The following LPP variants were observed in gnomAD, a reference collection of about 807,000 sequenced individuals.
The protein encoded by LPP is LIM domain containing preferred translocation partner in lipoma, also known as lipoma-preferred partner.
In LPP, 38 loss-of-function variants were observed where a neutral mutation model predicts 60.4. That is an observed-to-expected ratio of 0.63 (90% CI 0.49 to 0.83). LPP has a LOEUF of 0.83. Ranked by LOEUF, LPP falls within the 40% of genes least tolerant of loss-of-function variation. The pLI, the probability that LPP is intolerant of heterozygous loss-of-function variation, is 0.00. For synonymous variants in LPP, 328 were observed against 290.8 expected, an observed-to-expected ratio of 1.13 and a Z score of -1.30; for missense variants, 902 against 783.6, an observed-to-expected ratio of 1.15 and a Z score of -1.80.
intron 6 of LPP, among the ~76,000 whole-genome samples, chr3:188,528,294 TG>T (rs1821207752): frequency 6.6e-6 from 1 of 152,128 alleles, no homozygotes; most frequent in African/African-American, 2.4e-5. Flanking sequence ...TCCAAAGTGC[TG>T]GGGTTACAGG....
intron 9 of LPP, among the ~76,000 whole-genome samples, chr3:188,796,420 TTTA>T (rs1254090558): frequency 6.2e-4 from 95 of 152,246 alleles, no homozygotes; most frequent in African/African-American, 2.1e-3. Flanking sequence ...GCCTAGCCAT[TTTA>T]TTATTTTATA....
rs542212218 is a variant in LPP at position 188,716,315 on chromosome 3, G to A, written c.1240+7922G>A. On this transcript the variant is annotated intron_variant, in intron 8 of 11. Coordinates refer to ENST00000617246, the MANE Select transcript of LPP (RefSeq NM_001375462.1). The stretch of plus-strand genomic sequence containing the variant: ...TTAACATGAACAAAGTGCTATGATC[G>A]GTCACTTTATTGGTTATGCCAGCTC... Among the ~76,000 whole-genome samples, 3 of 152,258 alleles carry A rather than the reference G, an allele frequency of 2.0e-5. No homozygotes were observed. The South Asian group carries it at 6.2e-4, about 32-fold the overall frequency.
chr3:188,600,200 G>T (rs1840844036), intron 6 of LPP, among the ~76,000 whole-genome samples: 1 of 147,700 alleles, frequency 6.8e-6, no homozygotes, highest in Admixed American at 6.8e-5. Context: ...ATATATTTCT[G>T]ATATATATTA....
chr3:188,704,397 A>G (rs748251859), intron 7 of LPP, among the ~76,000 whole-genome samples: 2 of 152,232 alleles, frequency 1.3e-5, no homozygotes, highest in Non-Finnish European at 2.9e-5. Flanking sequence ...TGGCAAGTCC[A>G]TTGATAGAAG....
intron 6 of LPP, among the ~76,000 whole-genome samples, chr3:188,607,722 T>A (rs1277799545): frequency 6.6e-6 from 1 of 152,152 alleles, no homozygotes; most frequent in African/African-American, 2.4e-5. Context: ...TAAAAATTAC[T>A]CTGCTGTAGC....
At chr3:188,725,872 AT>A (rs1718190685) in intron 8 of LPP, among the ~76,000 whole-genome samples, 1 of 152,158 alleles carries the variant, frequency 6.6e-6, no homozygotes. Flanking sequence ...TATTAATGGA[AT>A]TTTTCAGGTA....
At chr3:188,574,200 T>C (rs1403614167) in intron 6 of LPP, among the ~76,000 whole-genome samples, 1 of 152,142 alleles carries the variant, frequency 6.6e-6, no homozygotes, top group Non-Finnish European at 1.5e-5. Flanking sequence ...TTCACCTCTC[T>C]GTCTCTTTCT....
chr3:188,240,662 A>G (rs189473311), intron 2 of LPP, among the ~76,000 whole-genome samples: 2 of 151,960 alleles, frequency 1.3e-5, no homozygotes, highest in Middle Eastern at 3.4e-3. Flanking sequence ...ATAACTATCC[A>G]ATCATGTCAA....
chr3:188,627,049 A>G (rs1846981261), intron 7 of LPP, among the ~76,000 whole-genome samples: 1 of 152,172 alleles, frequency 6.6e-6, no homozygotes, highest in African/African-American at 2.4e-5. Flanking sequence ...AACTAACTGT[A>G]CAACCTAATT....
At chr3:188,537,269 G>A (rs1823883302) in intron 6 of LPP, among the ~76,000 whole-genome samples, 2 of 151,830 alleles carry the variant, frequency 1.3e-5, no homozygotes, top group African/African-American at 4.8e-5. Context: ...CCTTCTGAAG[G>A]AAGAGTGGAT....
chr3:188,537,705 C>T (rs965845999), intron 6 of LPP, among the ~76,000 whole-genome samples: 3 of 151,950 alleles, frequency 2.0e-5, no homozygotes, highest in African/African-American at 7.3e-5. Flanking sequence ...CAAAGCAATC[C>T]CTATCAGAAT....
At chr3:188,240,592 G>C (rs952615586) in intron 2 of LPP, among the ~76,000 whole-genome samples, 2 of 152,222 alleles carry the variant, frequency 1.3e-5, no homozygotes, top group Admixed American at 6.5e-5. Flanking sequence ...TTATTGAGTA[G>C]TTAGGATATT....
intron 9 of LPP, among the ~76,000 whole-genome samples, chr3:188,857,191 G>T (rs893618090): frequency 6.6e-6 from 1 of 152,220 alleles, no homozygotes; most frequent in Admixed American, 6.5e-5. Flanking sequence ...AGGTGAGACA[G>T]TTGGACAAGA....
intron 3 of LPP, among the ~76,000 whole-genome samples, chr3:188,395,730 A>G (rs1353278227): frequency 1.3e-5 from 2 of 152,114 alleles, no homozygotes; most frequent in African/African-American, 4.8e-5. Flanking sequence ...GTTCGAGACT[A>G]GTGAGACCCT....
chr3:188,272,733 G>C (rs1017533844), intron 2 of LPP, among the ~76,000 whole-genome samples: 3 of 152,126 alleles, frequency 2.0e-5, no homozygotes, highest in Non-Finnish European at 2.9e-5. Flanking sequence ...TTTTGCTTCA[G>C]TCAAAAGCAT....
At chr3:188,543,678 A>G (rs1345941776) in intron 6 of LPP, among the ~76,000 whole-genome samples, 1 of 152,194 alleles carries the variant, frequency 6.6e-6, no homozygotes, top group Non-Finnish European at 1.5e-5. Flanking sequence ...TGAGCAAGCA[A>G]TAGGTAGAGT....
chr3:188,269,994 A>T (rs113693249), intron 2 of LPP, among the ~76,000 whole-genome samples: 4 of 119,238 alleles, frequency 3.4e-5, no homozygotes, highest in African/African-American at 7.8e-5. Context: ...TTCTTTTCTT[A>T]TCGTTTCTTT....
intron 7 of LPP, among the ~76,000 whole-genome samples, chr3:188,707,843 A>G (rs367999653): frequency 3.9e-5 from 6 of 152,098 alleles, no homozygotes; most frequent in African/African-American, 1.2e-4. Flanking sequence ...GCTATGCGAG[A>G]GGTCCCACCT....
chr3:188,651,094 T>G (rs987533591), intron 7 of LPP, among the ~76,000 whole-genome samples: 3 of 152,144 alleles, frequency 2.0e-5, no homozygotes. Context: ...GTAGAACAAT[T>G]AAAAAGAAAA....
Sources: allele counts gnomAD v4.1 joint callset (sites outside exome capture counted in the v4.1 genomes callset), GRCh38; gene constraint gnomAD v4.1.1; transcripts MANE v1.5; gene names NCBI Gene and HGNC (gene_info 2026-07-23, HGNC 2026-07-21).